TCF4: variants seen among roughly 807,000 people sequenced by gnomAD.
TCF4 encodes the protein SL3-3 enhancer factor 2.
In TCF4, 3 loss-of-function variants were observed where a neutral mutation model predicts 82.1. The observed-to-expected ratio is 0.04, with a 90% CI of 0.02 to 0.09. TCF4 has a LOEUF of 0.09. Among genes scored for constraint, TCF4 ranks in the 10% least tolerant of loss-of-function variants. The pLI is 1.00. For synonymous variants in TCF4, 276 were observed against 309.6 expected, an observed-to-expected ratio of 0.89 and a Z score of 1.14; for missense variants, 518 against 852.7, an observed-to-expected ratio of 0.61 and a Z score of 4.89.
chr18:55,400,373 A>G (rs1254630142), intron 6 of TCF4, among the ~76,000 whole-genome samples: 2 of 152,162 alleles, frequency 1.3e-5, no homozygotes, highest in African/African-American at 4.8e-5. Flanking sequence ...CTGTACCCCA[A>G]TTTGATTTAA....
intron 3 of TCF4, among the ~76,000 whole-genome samples, chr18:55,584,133 A>G (rs2073822392): frequency 6.6e-6 from 1 of 152,172 alleles, no homozygotes; most frequent in Non-Finnish European, 1.5e-5. Flanking sequence ...TTTGGAAATG[A>G]GCAACTTTTA....
At chr18:55,599,719 C>T (rs191550552) in intron 2 of TCF4, among the ~76,000 whole-genome samples, 145 of 152,034 alleles carry the variant, frequency 9.5e-4, no homozygotes, top group African/African-American at 3.0e-3. Context: ...AGAGTCTTAT[C>T]GCAAAACAAA....
chr18:55,447,155 G>GA (rs1306245838), intron 5 of TCF4, among the ~76,000 whole-genome samples: 2 of 151,782 alleles, frequency 1.3e-5, no homozygotes, highest in Admixed American at 6.6e-5. Flanking sequence ...AATAAAAATA[G>GA]AAAAAATTAG....
intron 6 of TCF4, among the ~76,000 whole-genome samples, chr18:55,396,029 G>A (rs1441388313): frequency 1.3e-5 from 2 of 152,126 alleles, no homozygotes; most frequent in Non-Finnish European, 2.9e-5. Flanking sequence ...ACCCTGAACG[G>A]AGCTGAGTGC....
chr18:55,370,863 AGAAG>A (rs1304353492), intron 6 of TCF4, among the ~76,000 whole-genome samples: 9 of 152,216 alleles, frequency 5.9e-5, no homozygotes, highest in Non-Finnish European at 1.0e-4. Flanking sequence ...CAGGAGAGGG[AGAAG>A]GAAGTGAAGT....
chr18:55,243,770 C>T (rs2052126528), intron 15 of TCF4, among the ~76,000 whole-genome samples: 1 of 151,914 alleles, frequency 6.6e-6, no homozygotes, highest in South Asian at 2.1e-4. Context: ...GCAGAGTGTC[C>T]CATTTAGAGT....
At chr18:55,447,125 G>A (rs775045817) in intron 5 of TCF4, among the ~76,000 whole-genome samples, 3 of 151,930 alleles carry the variant, frequency 2.0e-5, no homozygotes, top group African/African-American at 7.3e-5. Flanking sequence ...GCAACAGAGC[G>A]AGACCTTGTC....
intron 8 of TCF4, among the ~76,000 whole-genome samples, chr18:55,315,176 A>C (rs2073793850): frequency 6.6e-6 from 1 of 151,926 alleles, no homozygotes; most frequent in Admixed American, 6.6e-5. Flanking sequence ...CATCATCTAC[A>C]CTGTTCCCAC....
intron 8 of TCF4, among the ~76,000 whole-genome samples, chr18:55,324,840 T>C (rs960803973): frequency 2.0e-5 from 3 of 152,150 alleles, no homozygotes; most frequent in Non-Finnish European, 2.9e-5. Flanking sequence ...TCTGCCACTT[T>C]TGGGGAAAAA....
intron 3 of TCF4, among the ~76,000 whole-genome samples, chr18:55,467,235 GT>G (rs1220383846): frequency 6.6e-6 from 1 of 152,144 alleles, no homozygotes; most frequent in East Asian, 1.9e-4. Flanking sequence ...CATAATGAAT[GT>G]AAACATGTTA....
chr18:55,288,526 C>T (rs2064239523), intron 8 of TCF4, among the ~76,000 whole-genome samples: 1 of 152,180 alleles, frequency 6.6e-6, no homozygotes, highest in East Asian at 1.9e-4. Flanking sequence ...ACAACCGTAT[C>T]TCCTGATAAC....
At chr18:55,580,983 A>T (rs2097570384) in intron 3 of TCF4, among the ~76,000 whole-genome samples, 2 of 152,048 alleles carry the variant, frequency 1.3e-5, no homozygotes, top group Non-Finnish European at 2.9e-5. Context: ...CCTCTCTAAC[A>T]CACTGAGAAG....
intron 5 of TCF4, chr18:55,404,270 C>T: frequency 6.3e-6 from 1 of 159,310 alleles, no homozygotes; most frequent in Admixed American, 6.2e-5. Flanking sequence ...AGAATAAAAT[C>T]AAGGGTGTTC....
chr18:55,587,160 A>G (rs764139687), intron 1 of TCF4, 24 bp from the exon 2 acceptor site: 7 of 1,586,592 alleles, frequency 4.4e-6, no homozygotes, highest in Non-Finnish European at 6.0e-6. Context: ...AATAACCGCA[A>G]TCAGAAAATC....
chr18:55,352,959 A>G (rs1187957308), intron 6 of TCF4, among the ~76,000 whole-genome samples: 1 of 152,202 alleles, frequency 6.6e-6, no homozygotes, highest in East Asian at 1.9e-4. Context: ...CATTGGAAAG[A>G]GGAGTTTGAA....
intron 5 of TCF4, among the ~76,000 whole-genome samples, chr18:55,444,320 G>C (rs7226738): frequency 6.6e-6 from 1 of 152,116 alleles, no homozygotes; most frequent in Non-Finnish European, 1.5e-5. Flanking sequence ...CTAAAAATGA[G>C]AGCAGATCCA....
chr18:55,472,867 C>T (rs1439482894), intron 3 of TCF4, among the ~76,000 whole-genome samples: 1 of 152,124 alleles, frequency 6.6e-6, no homozygotes, highest in East Asian at 1.9e-4. Flanking sequence ...AAAGACATAT[C>T]ACCTTCTAAA....
intron 2 of TCF4, among the ~76,000 whole-genome samples, chr18:55,623,221 TA>T (rs1220711729): frequency 5.9e-5 from 9 of 152,192 alleles, no homozygotes; most frequent in Admixed American, 5.9e-4. Context: ...AAAATTTCTA[TA>T]ATTTCTTTAA....
chr18:55,355,346 A>C (rs1157369872), intron 6 of TCF4, among the ~76,000 whole-genome samples: 1 of 152,170 alleles, frequency 6.6e-6, no homozygotes, highest in Non-Finnish European at 1.5e-5. Flanking sequence ...TTCTGCACAG[A>C]ATCGGGTTTT....
Sources: allele counts gnomAD v4.1 joint callset (sites outside exome capture counted in the v4.1 genomes callset), GRCh38; gene constraint gnomAD v4.1.1; transcripts MANE v1.5; gene names NCBI Gene and HGNC (gene_info 2026-07-23, HGNC 2026-07-21).